Variants in NAT1 observed in about 807,000 individuals in gnomAD.
NAT1 encodes the protein N-acetyltransferase 1, also known as arylamine N-acetyltransferase 1.
For synonymous variants in NAT1, 144 were observed against 122.6 expected (o/e 1.17, Z -1.16); for missense variants, 400 against 339.2 (o/e 1.18, Z -1.41).
At chr8:18,200,048 C>T (rs1803398037) in intron 2 of NAT1, among the ~76,000 whole-genome samples, 3 of 152,144 alleles carry the variant, frequency 2.0e-5, no homozygotes, top group African/African-American at 4.8e-5. Context: ...AAAGGTAACA[C>T]TTATCAGGTT....
At chr8:18,202,355 C>A (rs570941462) in intron 2 of NAT1, among the ~76,000 whole-genome samples, 147 of 152,292 alleles carry the variant, frequency 9.7e-4, no homozygotes, top group African/African-American at 3.4e-3. Context: ...AGAGATTGAT[C>A]GTCTAAAGCG....
intron 1 of NAT1, among the ~76,000 whole-genome samples, chr8:18,218,130 C>CTCT (rs2117398601): frequency 6.6e-6 from 1 of 152,208 alleles, no homozygotes; most frequent in South Asian, 2.1e-4. Flanking sequence ...CCAGTGTTTT[C>CTCT]TCTTCTCCTC....
chr8:18,175,848 A>G (rs974018472), intron 2 of NAT1, among the ~76,000 whole-genome samples: 4 of 152,150 alleles, frequency 2.6e-5, no homozygotes, highest in Non-Finnish European at 5.9e-5. Context: ...AGGGTTTCCT[A>G]TTCTCCAGAT....
chr8:18,221,689 G>C (rs991222147), intron 2 of NAT1: 3 of 202,318 alleles, frequency 1.5e-5, no homozygotes, highest in Non-Finnish European at 3.0e-5. Context: ...TGATTCTCCT[G>C]CCTACATCAG....
chr8:18,209,348 G>T (rs1294096012), upstream of NAT1, among the ~76,000 whole-genome samples: 1 of 152,212 alleles, frequency 6.6e-6, no homozygotes, highest in Non-Finnish European at 1.5e-5. Flanking sequence ...TCAAAACAAA[G>T]AAATGATAAA....
upstream of NAT1, among the ~76,000 whole-genome samples, chr8:18,206,929 A>G (rs544752207): frequency 6.6e-6 from 1 of 152,166 alleles, no homozygotes; most frequent in African/African-American, 2.4e-5. Flanking sequence ...TGATGTTTTC[A>G]TCATGAAATC....
intron 2 of NAT1, among the ~76,000 whole-genome samples, chr8:18,175,487 T>C (rs1802261297): frequency 6.6e-6 from 1 of 152,134 alleles, no homozygotes; most frequent in Non-Finnish European, 1.5e-5. Flanking sequence ...ATGACTGGCT[T>C]ATTTCACTTA....
intron 2 of NAT1, among the ~76,000 whole-genome samples, chr8:18,193,260 T>C (rs1451234722): frequency 6.7e-6 from 1 of 149,350 alleles, no homozygotes; most frequent in Admixed American, 6.7e-5. Flanking sequence ...AAAAATTTTT[T>C]TGTAGAGATG....
chr8:18,191,687 G>A (rs543550321), intron 2 of NAT1, among the ~76,000 whole-genome samples: 8 of 152,046 alleles, frequency 5.3e-5, no homozygotes, highest in Admixed American at 6.6e-5. Flanking sequence ...AAATAACGCC[G>A]CATATCTACA....
At chr8:18,189,645 G>T (rs768716842) in intron 2 of NAT1, among the ~76,000 whole-genome samples, 1 of 152,108 alleles carries the variant, frequency 6.6e-6, no homozygotes, top group Non-Finnish European at 1.5e-5. Flanking sequence ...TTTACTTTGC[G>T]ATGTGGTTGT....
At chr8:18,172,450 C>T (rs1802133275) in intron 2 of NAT1, among the ~76,000 whole-genome samples, 4 of 152,188 alleles carry the variant, frequency 2.6e-5, no homozygotes, top group Non-Finnish European at 5.9e-5. Flanking sequence ...CCCTGTCCAC[C>T]ATATAATTTG....
chr8:18,173,505 C>T (rs1802176489), intron 2 of NAT1, among the ~76,000 whole-genome samples: 1 of 152,128 alleles, frequency 6.6e-6, no homozygotes. Flanking sequence ...AGCCCCAGAG[C>T]CACATAAAGG....
At chr8:18,214,770 C>G (rs1191812625) in intron 1 of NAT1, among the ~76,000 whole-genome samples, 3 of 152,108 alleles carry the variant, frequency 2.0e-5, no homozygotes, top group Non-Finnish European at 4.4e-5. Flanking sequence ...GTTTGTTGTA[C>G]AGATTTTATC....
intron 2 of NAT1, among the ~76,000 whole-genome samples, chr8:18,178,788 G>A (rs978709165): frequency 2.6e-5 from 4 of 152,094 alleles, no homozygotes; most frequent in African/African-American, 9.7e-5. Context: ...AAGGAATGCC[G>A]GGTTTTGAAC....
In NAT1 at chr8:18,183,078, G is replaced by C. The variant is rs535506383; in HGVS notation, n.92+12339G>C. On this transcript the variant is annotated intron_variant and non_coding_transcript_variant, in intron 2 of 4. Transcript: ENST00000517441. The stretch of plus-strand genomic sequence containing the variant: ...GTAATTTATAAACAGAAATGTATTG[G>C]CTCATAGTTCTGAGGACTGGGAAGA... Among the ~76,000 whole-genome samples, 5 of 152,264 alleles carry C rather than the reference G, an allele frequency of 3.3e-5. No homozygotes were observed. In the South Asian group the frequency reaches 1.0e-3, roughly 32 times the overall value.
intron 2 of NAT1, among the ~76,000 whole-genome samples, chr8:18,179,396 G>T (rs1802420626): frequency 6.6e-6 from 1 of 152,208 alleles, no homozygotes; most frequent in South Asian, 2.1e-4. Context: ...ATTTTCTATG[G>T]CCACTCAAAT....
chr8:18,173,238 T>C (rs1475852064), intron 2 of NAT1, among the ~76,000 whole-genome samples: 2 of 152,278 alleles, frequency 1.3e-5, no homozygotes, highest in Middle Eastern at 3.4e-3. Flanking sequence ...TTGATCCTTA[T>C]TGCAGTCAAG....
At chr8:18,206,662 T>C (rs1284578959), upstream of NAT1, among the ~76,000 whole-genome samples, 2 of 152,114 alleles carry the variant, frequency 1.3e-5, no homozygotes, top group African/African-American at 4.8e-5. Context: ...TTTAATGGGG[T>C]TGCTTGTTTT....
rs778415469 is a variant in NAT1, at chr8:18,222,385, C to G, written c.338C>G (p.Thr113Ser). ...ATGATTCACCTTCTCCTGCAGGTGA[C>G]CATTGATGGCAGGAACTACATTGTC... ...TGMIHLLLQV[T>S]IDGRNYIVDA... The change falls in exon 3 of 3, where the codon ACC becomes AGC. Residue 113 changes from threonine to serine, a missense_variant. Coordinates refer to ENST00000307719, the MANE Select transcript of NAT1 (RefSeq NM_000662.8). The G allele has an allele frequency of 1.9e-6, 3 of 1,614,030 alleles. No homozygotes were observed. The highest frequency in any genetic ancestry group is 2.5e-6 in the Non-Finnish European group (3 of 1,179,994).
Sources: allele counts gnomAD v4.1 joint callset (sites outside exome capture counted in the v4.1 genomes callset), GRCh38; gene constraint gnomAD v4.1.1; transcripts MANE v1.5; gene names NCBI Gene and HGNC (gene_info 2026-07-23, HGNC 2026-07-21).